KLHL14: variants seen among roughly 807,000 people sequenced by gnomAD.
The protein encoded by KLHL14 is kelch like family member 14, also known as kelch-like protein 14.
KLHL14 carries 22 observed loss-of-function variants against 64.3 expected under a neutral mutation model. That is an observed-to-expected ratio of 0.34 (90% CI 0.24 to 0.49). KLHL14 has a LOEUF of 0.49. Ranked by LOEUF, KLHL14 falls within the 20% of genes least tolerant of loss-of-function variation. The pLI is 0.99. For synonymous variants in KLHL14, 322 were observed against 333.4 expected (o/e 0.97, Z 0.37); for missense variants, 661 against 789.0 (o/e 0.84, Z 1.94).
intron 1 of KLHL14, chr18:32,772,307 G>A (rs753444861): frequency 3.1e-6 from 1 of 322,538 alleles, no homozygotes; most frequent in South Asian, 2.3e-5. Flanking sequence ...ACCCTCCCTC[G>A]CGCTCCCTCC....
chr18:32,677,402 T>C, intron 7 of KLHL14, 72 bp from the exon 8 acceptor site: 1 of 1,395,290 alleles, frequency 7.2e-7, no homozygotes, highest in Non-Finnish European at 9.6e-7. Flanking sequence ...TAGGGCTTCT[T>C]TTAAAAACAA....
At chr18:32,725,937 C>T (rs2050105773) in intron 3 of KLHL14, among the ~76,000 whole-genome samples, 1 of 152,194 alleles carries the variant, frequency 6.6e-6, no homozygotes, top group South Asian at 2.1e-4. Flanking sequence ...GCAGAACTTG[C>T]ATCATACAGT....
chr18:32,741,844 A>G, intron 3 of KLHL14, 84 bp downstream of exon 3: 2 of 1,350,210 alleles, frequency 1.5e-6, no homozygotes, highest in African/African-American at 1.5e-5. Flanking sequence ...GTCTAATTTG[A>G]TTAACCATGT....
At chr18:32,707,402 A>T (rs1229322455) in intron 3 of KLHL14, among the ~76,000 whole-genome samples, 5 of 152,230 alleles carry the variant, frequency 3.3e-5, no homozygotes, top group African/African-American at 1.2e-4. Flanking sequence ...AAGAGTTTAC[A>T]TAGCAGGCCT....
In KLHL14 at chr18:32,683,312, AT is replaced by A. The variant is rs2049852550; in HGVS notation, c.1239-2714del. 6.6e-6 allele frequency among the ~76,000 whole-genome samples: 1 copy of A among 152,172 alleles called. No homozygotes were observed. The highest frequency in any genetic ancestry group is 1.5e-5 in the Non-Finnish European group (1 of 68,020). On this transcript the variant is annotated intron_variant, in intron 5 of 8. Transcript: ENST00000359358. The surrounding 1 kb of genome is among the most constrained non-coding windows in gnomAD (Gnocchi z 4.2). ...GATTTCACTTCCTGATGACAAGTGC[AT>A]TTTTAGGTAGAAATTCCAATAGTAA...
At chr18:32,726,044 G>A (rs1477713738) in intron 3 of KLHL14, among the ~76,000 whole-genome samples, 1 of 152,248 alleles carries the variant, frequency 6.6e-6, no homozygotes, top group Non-Finnish European at 1.5e-5. Context: ...ACCAAGTGGT[G>A]TGATTTGTGA....
intron 3 of KLHL14, among the ~76,000 whole-genome samples, chr18:32,740,282 A>G (rs534461842): frequency 2.6e-5 from 4 of 152,186 alleles, no homozygotes; most frequent in Non-Finnish European, 4.4e-5. Flanking sequence ...TTAACAATCA[A>G]CCTATCTTTG....
At chr18:32,724,890 C>A (rs1224767486) in intron 3 of KLHL14, among the ~76,000 whole-genome samples, 1 of 152,128 alleles carries the variant, frequency 6.6e-6, no homozygotes, top group Non-Finnish European at 1.5e-5. Flanking sequence ...GTTACGTCTG[C>A]CTTATGAACA....
At chr18:32,718,886 G>A (rs538503891) in intron 3 of KLHL14, among the ~76,000 whole-genome samples, 2 of 152,066 alleles carry the variant, frequency 1.3e-5, no homozygotes, top group East Asian at 1.9e-4. Context: ...TGTAAAAATG[G>A]TACCGGCTAT....
At chr18:32,705,157 T>A (rs958959570) in intron 3 of KLHL14, among the ~76,000 whole-genome samples, 2 of 152,240 alleles carry the variant, frequency 1.3e-5, no homozygotes, top group African/African-American at 2.4e-5. Flanking sequence ...TTTAAAAAAA[T>A]GAATTATTAG....
chr18:32,751,826 C>T (rs191243656), intron 2 of KLHL14, among the ~76,000 whole-genome samples: 4 of 152,170 alleles, frequency 2.6e-5, no homozygotes, highest in African/African-American at 7.2e-5. Context: ...GAAGATATGA[C>T]GAATAAAAGA....
At chr18:32,767,606 G>A (rs1301167288) in intron 2 of KLHL14, among the ~76,000 whole-genome samples, 4 of 152,212 alleles carry the variant, frequency 2.6e-5, no homozygotes, top group Admixed American at 1.3e-4. Context: ...ACGGAGCCAG[G>A]CAGCCTGGTA....
chr18:32,709,274 C>T (rs2050006372), intron 3 of KLHL14, among the ~76,000 whole-genome samples: 1 of 151,620 alleles, frequency 6.6e-6, no homozygotes, highest in Admixed American at 6.6e-5. Context: ...CTGCTCTTCT[C>T]TCTGCCTCTG....
intron 5 of KLHL14, among the ~76,000 whole-genome samples, chr18:32,682,264 G>A (rs1439082390): frequency 2.6e-5 from 4 of 152,132 alleles, no homozygotes; most frequent in Non-Finnish European, 4.4e-5. Flanking sequence ...TAATTTTAGA[G>A]CAATATTTTA....
intron 2 of KLHL14, among the ~76,000 whole-genome samples, chr18:32,764,283 T>C (rs771091192): frequency 2.0e-5 from 3 of 152,190 alleles, no homozygotes; most frequent in African/African-American, 4.8e-5. Context: ...TCCAGTATGC[T>C]TGAAAAAATG....
At chr18:32,730,564 AC>A (rs1177309571) in intron 3 of KLHL14, among the ~76,000 whole-genome samples, 1 of 152,234 alleles carries the variant, frequency 6.6e-6, no homozygotes, top group Non-Finnish European at 1.5e-5. Flanking sequence ...CCTTACCATT[AC>A]AACAAGACAA....
At chr18:32,772,112 GC>G in intron 1 of KLHL14, 1 of 240,028 alleles carries the variant, frequency 4.2e-6, no homozygotes, top group Non-Finnish European at 8.0e-6. Context: ...CCGCCGGCCC[GC>G]CGGCCCGCCC....
intron 4 of KLHL14, among the ~76,000 whole-genome samples, chr18:32,687,666 A>T (rs2049886091): frequency 1.3e-5 from 2 of 152,226 alleles, no homozygotes; most frequent in South Asian, 4.1e-4. Flanking sequence ...CAACAACAAC[A>T]ACAACAAAAA....
chr18:32,755,891 AT>A (rs1167357295), intron 2 of KLHL14, among the ~76,000 whole-genome samples: 1 of 152,210 alleles, frequency 6.6e-6, no homozygotes, highest in Non-Finnish European at 1.5e-5. Flanking sequence ...CTAGCTTTAC[AT>A]TACTGGAAGA....
Sources: gnomAD v4.1 joint callset for allele counts (sites outside exome capture counted in the v4.1 genomes callset) on GRCh38, gnomAD v4.1.1 for gene constraint, Gnocchi (gnomAD v3.1) non-coding constraint, MANE v1.5 for transcripts, NCBI Gene and HGNC (gene_info 2026-07-23, HGNC 2026-07-21) for gene names.